SGCD: variants seen among roughly 807,000 people sequenced by gnomAD.
The protein encoded by SGCD is delta-sarcoglycan.
Under a neutral mutation model 36.6 loss-of-function variants are expected in SGCD, and 18 were observed. That is an observed-to-expected ratio of 0.49 (90% confidence interval 0.34 to 0.73). SGCD has a LOEUF of 0.73. SGCD is among the 30% of genes least tolerant of loss of function. SGCD has a pLI of 0.01. For missense variants in SGCD, 387 were observed against 346.7 expected (o/e 1.12, Z -0.92); for synonymous variants, 133 against 130.6 (o/e 1.02, Z -0.12).
intron 1 of SGCD, among the ~76,000 whole-genome samples, chr5:156,074,917 A>G (rs1159062577): frequency 6.6e-6 from 1 of 152,234 alleles, no homozygotes; most frequent in Non-Finnish European, 1.5e-5. Flanking sequence ...AGCACATATC[A>G]TGGTAATCAT....
chr5:155,827,104 G>A, the SGCD span, among the ~76,000 whole-genome samples: 1 of 152,176 alleles, frequency 6.6e-6, no homozygotes, highest in Admixed American at 6.5e-5. Context: ...AGTTTGCCTT[G>A]GACTGAGGGA....
At chr5:156,019,031 T>C (rs1759044903) in intron 1 of SGCD, among the ~76,000 whole-genome samples, 1 of 152,232 alleles carries the variant, frequency 6.6e-6, no homozygotes, top group Non-Finnish European at 1.5e-5. Context: ...GTTAAATTTG[T>C]CATTGTAAAG....
chr5:156,378,221 T>A (rs1307001621), intron 3 of SGCD, among the ~76,000 whole-genome samples: 1 of 152,196 alleles, frequency 6.6e-6, no homozygotes, highest in Non-Finnish European at 1.5e-5. Context: ...GAATATTTTA[T>A]GCTAAGTGAA....
the SGCD span, among the ~76,000 whole-genome samples, chr5:155,860,391 A>G: frequency 3.3e-5 from 5 of 152,186 alleles, no homozygotes; most frequent in African/African-American, 4.8e-5. Flanking sequence ...TCTTGTTTTT[A>G]TCATTAATTT....
intron 4 of SGCD, among the ~76,000 whole-genome samples, chr5:156,576,018 G>A (rs1243775732): frequency 6.6e-6 from 1 of 152,084 alleles, no homozygotes; most frequent in African/African-American, 2.4e-5. Flanking sequence ...TTGGTGTGCT[G>A]CACCCATTAA....
At position 156,761,224 on chromosome 5, in the gene SGCD, T is replaced by G. The variant is rs1160004445; in HGVS notation, c.*1834T>G. ...GATGTAAAAGCAAGCTGTGTGTTGCTTAGTCACTTACTTAGAAGTAGATGG... is the reference window on the plus strand; with the variant it reads ...GATGTAAAAGCAAGCTGTGTGTTGCGTAGTCACTTACTTAGAAGTAGATGG... On this transcript the variant is annotated 3_prime_UTR_variant, in exon 9 of 9. Transcript: ENST00000337851. 1 of 152,206 alleles carries G rather than the reference T, an allele frequency of 6.6e-6. No individual in the cohort carries two copies. Among genetic ancestry groups the G allele is most frequent in the Non-Finnish European group, 1.5e-5 (1 of 68,062 alleles). The allele number at this position is 152,206 out of a possible 1,614,324, so 9.4% of individuals were successfully genotyped here.
At position 156,155,611 on chromosome 5, in the gene SGCD, A is replaced by G. The variant is rs966395868; in HGVS notation, c.-44+31592A>G. Among the ~76,000 whole-genome samples, 5 of 90,990 alleles carry G rather than the reference A, an allele frequency of 5.5e-5. 1 individual carries two copies. Among genetic ancestry groups the G allele is most frequent in the African/African-American group, 1.9e-4 (5 of 26,174 alleles). 59.7% of individuals were successfully genotyped at this position (90,990 alleles called of 152,430 possible). A position where few individuals can be genotyped will look rare whatever the true frequency, so the allele number is the denominator to read the frequency against. ...GACAAACCTAGTAATGTCGTGGGCT[A>G]GGAAAAAAAAAAAAAAAAAAGAAGC... On this transcript the variant is annotated intron_variant, in intron 3 of 9. Transcript: ENST00000517913.
intron 3 of SGCD, among the ~76,000 whole-genome samples, chr5:156,196,306 A>G (rs73300673): frequency 0.019 from 2,886 of 152,154 alleles, 85 homozygotes; most frequent in African/African-American, 0.064. Context: ...TTGTTATTCA[A>G]TTTTCATCTT....
intron 3 of SGCD, among the ~76,000 whole-genome samples, chr5:156,460,651 G>C (rs1183090631): frequency 6.6e-6 from 1 of 152,142 alleles, no homozygotes; most frequent in African/African-American, 2.4e-5. Context: ...TCTGGGGCCT[G>C]TTACCCTCAG....
chr5:155,990,037 A>G (rs565439905), intron 1 of SGCD, among the ~76,000 whole-genome samples: 15 of 152,346 alleles, frequency 9.8e-5, no homozygotes, highest in African/African-American at 2.9e-4. Context: ...CACTTCTGGG[A>G]AACAGCCTTG....
At chr5:156,358,912 G>A (rs1303014578) in intron 3 of SGCD, among the ~76,000 whole-genome samples, 1 of 152,130 alleles carries the variant, frequency 6.6e-6, no homozygotes, top group East Asian at 1.9e-4. Flanking sequence ...AGACAGGTGG[G>A]AGAGGGGTGG....
the SGCD span, among the ~76,000 whole-genome samples, chr5:155,819,692 G>C: frequency 6.6e-6 from 1 of 152,156 alleles, no homozygotes; most frequent in Non-Finnish European, 1.5e-5. Context: ...CTGAGCATCC[G>C]TGTGTTTAAT....
At chr5:156,286,152 A>T (rs1294620460) in intron 3 of SGCD, among the ~76,000 whole-genome samples, 3 of 152,210 alleles carry the variant, frequency 2.0e-5, no homozygotes, top group South Asian at 2.1e-4. Flanking sequence ...TAGAATGGTG[A>T]TCATTAAAAA....
intron 1 of SGCD, among the ~76,000 whole-genome samples, chr5:156,003,877 C>T (rs1002847111): frequency 3.3e-5 from 5 of 152,062 alleles, no homozygotes; most frequent in Non-Finnish European, 5.9e-5. Context: ...CCTTGATTTG[C>T]ATATTAAAGA....
the SGCD span, among the ~76,000 whole-genome samples, chr5:155,783,205 T>C: frequency 6.6e-6 from 1 of 152,174 alleles, no homozygotes; most frequent in Non-Finnish European, 1.5e-5. Flanking sequence ...AATTCTATAA[T>C]TGTGAGTGCC....
At chr5:156,449,678 A>AAAAAAT in intron 3 of SGCD, among the ~76,000 whole-genome samples, 1 of 68,634 alleles carries the variant, frequency 1.5e-5, no homozygotes, top group Admixed American at 1.2e-4. Context: ...CTAAAAATAC[A>AAAAAAT]AAAAAAAAAA....
intron 3 of SGCD, among the ~76,000 whole-genome samples, chr5:156,162,633 A>C (rs975516842): frequency 1.3e-5 from 2 of 151,490 alleles, no homozygotes; most frequent in African/African-American, 4.9e-5. Flanking sequence ...CCATTCCCCC[A>C]TCGTTTTGTC....
At position 156,759,365 on chromosome 5, in the gene SGCD, A is replaced by G. The variant is rs397516338; in HGVS notation, c.848A>G (p.Gln283Arg). 1.8e-4 allele frequency: 289 copies of G among 1,611,148 alleles called. 1 individual carries two copies. In the East Asian group the frequency reaches 5.7e-3, roughly 32 times the overall value. ...CAGGCAGGAGCTGGGTCCACTTGTCAGATAAACACAAGTGTCTGCCTCTGA... is the reference window on the plus strand; with the variant it reads ...CAGGCAGGAGCTGGGTCCACTTGTCGGATAAACACAAGTGTCTGCCTCTGA... ...LSQAGAGSTC[Q>R]INTSVCL The change falls in exon 9 of 9, where the codon CAG becomes CGG. Residue 283 changes from glutamine (Q) to arginine (R), a missense_variant. Gln to Arg is a conservative substitution (Grantham distance 43, BLOSUM62 1). Coordinates refer to ENST00000337851, the MANE Select transcript of SGCD (RefSeq NM_000337.6).
At chr5:156,407,298 G>A (rs555935680) in intron 3 of SGCD, among the ~76,000 whole-genome samples, 13 of 152,252 alleles carry the variant, frequency 8.5e-5, no homozygotes, top group Middle Eastern at 6.8e-3. Flanking sequence ...TGTTATAATC[G>A]CAACCCATGC....
Sources: gnomAD v4.1 joint callset for allele counts (sites outside exome capture counted in the v4.1 genomes callset) on GRCh38, gnomAD v4.1.1 for gene constraint, MANE v1.5 for transcripts, NCBI Gene and HGNC (gene_info 2026-07-23, HGNC 2026-07-21) for gene names.